ANKS6: variants seen among roughly 807,000 people sequenced by gnomAD.
ANKS6 encodes the protein ankyrin repeat and sterile alpha motif domain containing 6.
A neutral mutation model predicts 77.9 loss-of-function variants in ANKS6; 47 were observed. That is an observed-to-expected ratio of 0.60 (90% CI 0.48 to 0.77). The LOEUF is 0.77. Ranked by LOEUF, ANKS6 falls within the 30% of genes least tolerant of loss-of-function variation. The pLI, the probability that ANKS6 is intolerant of heterozygous loss-of-function variation, is 0.00. For synonymous variants in ANKS6, 488 were observed against 501.7 expected (o/e 0.97, Z 0.37); for missense variants, 1,150 against 1,159.1 (o/e 0.99, Z 0.11).
intron 2 of ANKS6, 84 bp downstream of exon 2, chr9:98,790,020 C>T (rs1168046535): frequency 1.2e-5 from 18 of 1,489,342 alleles, no homozygotes; most frequent in Non-Finnish European, 1.5e-5. Flanking sequence ...TCTGCGTGTC[C>T]TTCCAGTAGA....
chr9:98,763,626 A>G (rs990782949), intron 11 of ANKS6, among the ~76,000 whole-genome samples: 12 of 151,970 alleles, frequency 7.9e-5, no homozygotes, highest in Non-Finnish European at 1.8e-4. Flanking sequence ...GAAATTATAG[A>G]TAAGAGCAGA....
chr9:98,795,829 G>A lies in ANKS6; in HGVS notation c.359+304C>T, dbSNP rs570366081. ...GCCAGGAAGGGAAGGCAGGTTCTGA[G>A]GAAACTCTTACTGCAATAAGAAATG... On this transcript the variant is annotated intron_variant, in intron 1 of 14. Coordinates refer to ENST00000353234, the MANE Select transcript of ANKS6 (RefSeq NM_173551.5). Among the ~76,000 whole-genome samples, 123 of 152,230 alleles carry A rather than the reference G, an allele frequency of 8.1e-4. 1 individual carries two copies. The highest frequency in any genetic ancestry group is 2.9e-3 in the African/African-American group (119 of 41,542).
chr9:98,760,799 TG>T (rs59726352), intron 11 of ANKS6, among the ~76,000 whole-genome samples: 96,111 of 152,054 alleles, frequency 0.63, 31,352 homozygotes, highest in Non-Finnish European at 0.73. Context: ...TCTATTCACC[TG>T]TTGAAGAACA....
Position 98,791,322 on chromosome 9 carries a change from G to A in ANKS6, c.360-716C>T, listed in dbSNP as rs531297838. Among the ~76,000 whole-genome samples, 24 of 152,312 alleles carry A rather than the reference G, an allele frequency of 1.6e-4. No individual in the cohort carries two copies. The highest frequency in any genetic ancestry group is 4.3e-4 in the African/African-American group (18 of 41,570). On this transcript the variant is annotated intron_variant, in intron 1 of 14. Coordinates refer to ENST00000353234, the MANE Select transcript of ANKS6 (RefSeq NM_173551.5). This position sits in a 1 kb window ranked among gnomAD's most constrained non-coding sequence, Gnocchi z 4.3. The stretch of plus-strand genomic sequence containing the variant: ...GGTCAGCAGATAGGCTGGGCATTGC[G>A]GCCTGGAGGCCTGCTGCCACCTGCT...
chr9:98,775,762 CTA>C (rs1833888076), intron 8 of ANKS6, among the ~76,000 whole-genome samples: 1 of 152,188 alleles, frequency 6.6e-6, no homozygotes, highest in South Asian at 2.1e-4. Flanking sequence ...TATTTTCCTT[CTA>C]TATGTTTTAC....
Position 98,756,510 on chromosome 9 carries a change from G to A in ANKS6, c.2236C>T (p.His746Tyr). The change falls in exon 12 of 15, where the codon CAC becomes TAC. Residue 746 changes from histidine (H) to tyrosine (Y), a missense_variant. His to Tyr is a moderately conservative substitution (Grantham distance 83). Transcript: ENST00000353234. The stretch of plus-strand genomic sequence containing the variant: ...GAAGACACTGAGGACTCTGCAGTGT[G>A]CCCTTTGGGTGAGGGGGAGGGCGTG... ...TLTPSPSPKG[H>Y]TAESSVSSSS... The A allele has an allele frequency of 1.2e-6, 2 of 1,610,970 alleles. No individual in the cohort carries two copies. The highest frequency in any genetic ancestry group is 1.7e-6 in the Non-Finnish European group (2 of 1,178,762).
intron 14 of ANKS6, among the ~76,000 whole-genome samples, chr9:98,744,246 C>A (rs1313397066): frequency 6.6e-6 from 1 of 152,206 alleles, no homozygotes; most frequent in Admixed American, 6.5e-5. Context: ...GAAGGATCAC[C>A]TTATAGCCTT....
At chr9:98,742,001 T>A (rs957319410) in intron 14 of ANKS6, among the ~76,000 whole-genome samples, 18 of 152,230 alleles carry the variant, frequency 1.2e-4, no homozygotes, top group African/African-American at 4.3e-4. Context: ...CTATTTTCTA[T>A]TCTATTTTCT....
At position 98,796,264 on chromosome 9, in the gene ANKS6, C is replaced by G. The variant is rs1263829136; in HGVS notation, c.228G>C (p.Glu76Asp). 7.4e-7 allele frequency: 1 copy of G among 1,354,676 alleles called. No individual in the cohort carries two copies. The highest frequency in any genetic ancestry group is 1.5e-5 in the African/African-American group (1 of 66,670). 83.9% of individuals were successfully genotyped at this position (1,354,676 alleles called of 1,614,324 possible). Residue 76 changes from glutamate to aspartate, a missense_variant, in exon 1 of 15, where the codon GAG becomes GAC. By Grantham distance (45) the Glu-to-Asp change is conservative. Coordinates refer to ENST00000353234, the MANE Select transcript of ANKS6 (RefSeq NM_173551.5). ...CGAACTGCAGTGCGGTGTTGCCCGC[C>G]TCGTCCGAGCAATCCACGGGCACCG... is the stretch of plus-strand genomic sequence containing the variant. ...GAPVPVDCSD[E>D]AGNTALQFAA...
chr9:98,790,799 G>A (rs931901954), intron 1 of ANKS6, among the ~76,000 whole-genome samples, 193 bp from the exon 2 acceptor site: 1 of 152,184 alleles, frequency 6.6e-6, no homozygotes, highest in Non-Finnish European at 1.5e-5. Flanking sequence ...GCCCTGCCTG[G>A]GTTCAAATCC....
In ANKS6 at chr9:98,736,925, G is replaced by A. The variant is rs1322607224; in HGVS notation, c.2512-302C>T. 3.3e-5 allele frequency among the ~76,000 whole-genome samples: 5 copies of A among 152,264 alleles called. No individual in the cohort carries two copies. In the South Asian group the frequency reaches 8.3e-4, roughly 25 times the overall value. Reference sequence around the variant, plus strand: ...AGGACTGACTTCTCCCGAGTCGCACGGCCCGGATTCGAGGTCTCCTTTCCT... The same window carrying A: ...AGGACTGACTTCTCCCGAGTCGCACAGCCCGGATTCGAGGTCTCCTTTCCT... On this transcript the variant is annotated intron_variant, in intron 14 of 14. Coordinates refer to ENST00000353234, the MANE Select transcript of ANKS6 (RefSeq NM_173551.5).
At chr9:98,739,774 T>TTTTTTTTTTTTTTTTTG (rs71369574) in intron 14 of ANKS6, among the ~76,000 whole-genome samples, 5 of 129,668 alleles carry the variant, frequency 3.9e-5, no homozygotes, top group Admixed American at 7.9e-5. Flanking sequence ...TTTTTTTTTT[T>TTTTTTTTTTTTTTTTTG]GAGACGGAGT....
intron 8 of ANKS6, among the ~76,000 whole-genome samples, chr9:98,776,593 G>C (rs373940347): frequency 1.9e-4 from 29 of 152,098 alleles, no homozygotes; most frequent in African/African-American, 5.8e-4. Flanking sequence ...TAGAGATGAG[G>C]TTTCACCATG....
intron 11 of ANKS6, among the ~76,000 whole-genome samples, chr9:98,764,279 T>C (rs145384434): frequency 7.2e-5 from 11 of 152,312 alleles, no homozygotes; most frequent in African/African-American, 2.4e-4. Flanking sequence ...AGATTTTCTC[T>C]TTGGCTTGTT....
At chr9:98,770,435 T>C (rs963166977) in intron 10 of ANKS6, among the ~76,000 whole-genome samples, 1 of 152,140 alleles carries the variant, frequency 6.6e-6, no homozygotes, top group Non-Finnish European at 1.5e-5. Context: ...GACTAGAAAG[T>C]ATGCTGCAAG....
At chr9:98,755,697 G>A (rs1466994584) in intron 12 of ANKS6, among the ~76,000 whole-genome samples, 1 of 152,180 alleles carries the variant, frequency 6.6e-6, no homozygotes, top group East Asian at 1.9e-4. Context: ...TCAGTAGGTT[G>A]GACCCCAACT....
intron 14 of ANKS6, among the ~76,000 whole-genome samples, chr9:98,744,990 T>G (rs891903275): frequency 1.3e-5 from 2 of 152,230 alleles, no homozygotes; most frequent in Non-Finnish European, 2.9e-5. Flanking sequence ...TTTGTGGTTC[T>G]TTTTTGTTTT....
intron 6 of ANKS6, 151 bp from the exon 7 acceptor site, chr9:98,778,575 C>G (rs895425870): frequency 8.5e-6 from 6 of 707,882 alleles, no homozygotes; most frequent in Non-Finnish European, 1.4e-5. Flanking sequence ...TCAATGATAG[C>G]ACCCATTCCC....
At chr9:98,779,336 G>A (rs1380751262) in intron 6 of ANKS6, among the ~76,000 whole-genome samples, 1 of 152,174 alleles carries the variant, frequency 6.6e-6, no homozygotes, top group Non-Finnish European at 1.5e-5. Flanking sequence ...CAGGGCCTGT[G>A]GACTGCAGGG....
Sources: allele counts gnomAD v4.1 joint callset (sites outside exome capture counted in the v4.1 genomes callset), GRCh38; gene constraint gnomAD v4.1.1; non-coding constraint Gnocchi (gnomAD v3.1); transcripts MANE v1.5; gene names NCBI Gene and HGNC (gene_info 2026-07-23, HGNC 2026-07-21).